Variants in NEBL observed in about 807,000 individuals in gnomAD.
The protein encoded by NEBL is LIM and SH3 protein 2.
A neutral mutation model predicts 140.2 loss-of-function variants in NEBL; 122 were observed. The observed-to-expected ratio is 0.87, with a 90% CI of 0.75 to 1.01. The LOEUF is 1.01. NEBL is among the 50% of genes least tolerant of loss of function. The pLI, the probability that NEBL is intolerant of heterozygous loss-of-function variation, is 0.00. For synonymous variants in NEBL, 436 were observed against 398.9 expected (o/e 1.09, Z -1.11); for missense variants, 1,365 against 1,231.3 (o/e 1.11, Z -1.62).
intron 1 of NEBL, among the ~76,000 whole-genome samples, chr10:21,261,349 A>C (rs569151247): frequency 6.6e-6 from 1 of 152,260 alleles, no homozygotes; most frequent in African/African-American, 2.4e-5. Flanking sequence ...TTTTCATCCT[A>C]ATCATCAGTA....
chr10:21,165,024 T>C (rs750043351), intron 2 of NEBL, among the ~76,000 whole-genome samples: 20 of 152,342 alleles, frequency 1.3e-4, no homozygotes, highest in Middle Eastern at 3.4e-3. Flanking sequence ...TGTGACCTTT[T>C]CTCTTGTCTT....
chr10:21,057,522 C>T (rs558386339), intron 2 of NEBL, among the ~76,000 whole-genome samples: 3 of 150,026 alleles, frequency 2.0e-5, no homozygotes, highest in East Asian at 3.9e-4. Context: ...CTAAATGATA[C>T]CTAATAGCCA....
At chr10:21,084,990 A>G (rs1836558010) in intron 2 of NEBL, among the ~76,000 whole-genome samples, 3 of 152,162 alleles carry the variant, frequency 2.0e-5, no homozygotes, top group Admixed American at 2.0e-4. Flanking sequence ...AAAATGTGAA[A>G]GGGTTATGCC....
chr10:21,106,571 C>A lies in NEBL; in HGVS notation c.164+65812G>T, dbSNP rs559400409. On this transcript the variant is annotated intron_variant, in intron 2 of 6. Coordinates refer to the NEBL transcript ENST00000417816. ...TATCTGTTTTGGTACCAGTACCAGC[C>A]TGTTTTGGTTACTATAGCCTTGTAG... is the stretch of plus-strand genomic sequence containing the variant. Among the ~76,000 whole-genome samples, 4 of 152,246 alleles carry A rather than the reference C, an allele frequency of 2.6e-5. No individual in the cohort carries two copies. The South Asian group carries it at 8.3e-4, about 32-fold the overall frequency.
At chr10:21,222,734 A>G (rs1469110345) in intron 3 of NEBL, among the ~76,000 whole-genome samples, 1 of 152,196 alleles carries the variant, frequency 6.6e-6, no homozygotes, top group Non-Finnish European at 1.5e-5. Flanking sequence ...CTTTCTTTGC[A>G]TTACAAGCAA....
chr10:20,857,092 G>A lies in NEBL; in HGVS notation c.903+1148C>T, dbSNP rs556226990. 3.3e-5 allele frequency among the ~76,000 whole-genome samples: 5 copies of A among 151,944 alleles called. No homozygotes were observed. In the East Asian group the frequency reaches 7.7e-4, roughly 23 times the overall value. ...GATCCACCCGCCTCCCACAGTGCTG[G>A]GATTACAGGCATGAAACACCATGCC... On this transcript the variant is annotated intron_variant, in intron 9 of 27. Coordinates refer to ENST00000377122, the MANE Select transcript of NEBL (RefSeq NM_006393.3).
At chr10:20,833,668 T>C (rs1840623801) in intron 14 of NEBL, among the ~76,000 whole-genome samples, 1 of 151,524 alleles carries the variant, frequency 6.6e-6, no homozygotes, top group South Asian at 2.1e-4. Flanking sequence ...GTTAAGAATG[T>C]CTACTAGGAC....
In NEBL at chr10:20,842,873, C is replaced by A. The variant is rs546276067; in HGVS notation, c.1228-2024G>T. Among the ~76,000 whole-genome samples the A allele has an allele frequency of 8.5e-5, 13 of 152,156 alleles. No individual in the cohort carries two copies. The East Asian group carries it at 1.5e-3, about 18-fold the overall frequency. ...TTGACTATCACCTTGCCATTCCTCC[C>A]ACCCTCCAGCCTCTGTAACCACCAT... On this transcript the variant is annotated intron_variant, in intron 12 of 27. Transcript: ENST00000377122.
chr10:20,945,521 G>T (rs1449148821), intron 4 of NEBL, among the ~76,000 whole-genome samples: 1 of 152,140 alleles, frequency 6.6e-6, no homozygotes, highest in African/African-American at 2.4e-5. Flanking sequence ...ATAAACCACA[G>T]GTAAATTGTC....
At chr10:20,848,771 A>C (rs990221560) in intron 11 of NEBL, among the ~76,000 whole-genome samples, 1 of 152,162 alleles carries the variant, frequency 6.6e-6, no homozygotes, top group African/African-American at 2.4e-5. Context: ...CTTCCATGAA[A>C]CCCATCCCTG....
chr10:21,241,896 A>G (rs115945557), intron 3 of NEBL, among the ~76,000 whole-genome samples: 1,702 of 152,300 alleles, frequency 0.011, 33 homozygotes, highest in African/African-American at 0.038. Context: ...ATGGACCCAC[A>G]GCTCATCTAA....
At chr10:20,852,776 G>C (rs1017649075) in intron 9 of NEBL, 127 bp from the exon 10 acceptor site, 21 of 820,606 alleles carry the variant, frequency 2.6e-5, no homozygotes, top group Non-Finnish European at 4.2e-5. Flanking sequence ...GTCCCCATCT[G>C]CAGTTGGCTG....
intron 3 of NEBL, among the ~76,000 whole-genome samples, chr10:20,998,176 T>C (rs778392576): frequency 3.3e-5 from 5 of 152,180 alleles, no homozygotes; most frequent in African/African-American, 4.8e-5. Flanking sequence ...AATGCTGAGA[T>C]AGCTAATAAG....
intron 2 of NEBL, among the ~76,000 whole-genome samples, chr10:21,033,167 C>A (rs1487667451): frequency 6.6e-6 from 1 of 152,144 alleles, no homozygotes; most frequent in Non-Finnish European, 1.5e-5. Flanking sequence ...GGAACACCAA[C>A]CGGCACTGTT....
rs545656082 is a variant in NEBL, at chr10:21,005,835, C to CT, written c.249+14281dup. Reference sequence around the variant, plus strand: ...ACAATGAATTACTGACATACTAACACTTTTTTTTTTTTTTAAGTATTGCAA... The same window carrying CT: ...ACAATGAATTACTGACATACTAACACTTTTTTTTTTTTTTTAAGTATTGCAA... On this transcript the variant is annotated intron_variant, in intron 3 of 6. Transcript: ENST00000417816. Among the ~76,000 whole-genome samples, 460 of 143,622 alleles carry CT rather than the reference C, an allele frequency of 3.2e-3. 3 individuals are homozygous for CT. The highest frequency in any genetic ancestry group is 4.7e-3 in the African/African-American group (185 of 39,512). 94.2% of individuals were successfully genotyped at this position (143,622 alleles called of 152,430 possible).
intron 13 of NEBL, among the ~76,000 whole-genome samples, chr10:20,837,173 C>A (rs1405061852): frequency 6.6e-6 from 1 of 151,968 alleles, no homozygotes; most frequent in African/African-American, 2.4e-5. Context: ...AAAGCCAACA[C>A]AGGCCCAAAG....
At chr10:20,792,799 G>A (rs1479039668) in intron 26 of NEBL, among the ~76,000 whole-genome samples, 1 of 147,756 alleles carries the variant, frequency 6.8e-6, no homozygotes, top group African/African-American at 2.5e-5. Flanking sequence ...AAATAATTCT[G>A]TCTCAAAAAA....
intron 3 of NEBL, among the ~76,000 whole-genome samples, chr10:20,967,400 G>T (rs1263459289): frequency 6.6e-6 from 1 of 152,228 alleles, no homozygotes; most frequent in Non-Finnish European, 1.5e-5. Flanking sequence ...GGCCGGGGCA[G>T]GTGGATCACT....
chr10:20,799,039 TC>T (rs1836840927), intron 26 of NEBL, among the ~76,000 whole-genome samples: 1 of 152,218 alleles, frequency 6.6e-6, no homozygotes, highest in Admixed American at 6.5e-5. Flanking sequence ...TGTGTTTTTT[TC>T]ACAGGCTAGA....
Sources: gnomAD v4.1 joint callset for allele counts (sites outside exome capture counted in the v4.1 genomes callset) on GRCh38, gnomAD v4.1.1 for gene constraint, MANE v1.5 for transcripts, NCBI Gene and HGNC (gene_info 2026-07-23, HGNC 2026-07-21) for gene names.